Variants in FAM227B observed in about 807,000 individuals in gnomAD.
The protein encoded by FAM227B is family with sequence similarity 227 member B.
In FAM227B, 88 loss-of-function variants were observed where a neutral mutation model predicts 73.8. The ratio of observed to expected loss-of-function variants is 1.19; its 90% CI spans 1.00 to 1.42. FAM227B has a LOEUF of 1.42. FAM227B is among the 40% of genes most tolerant of loss of function. FAM227B has a pLI of 0.00. For synonymous variants in FAM227B, 210 were observed against 190.5 expected (o/e 1.10, Z -0.84); for missense variants, 632 against 590.9 (o/e 1.07, Z -0.72).
chr15:49,445,123 T>C (rs932443838), intron 11 of FAM227B, among the ~76,000 whole-genome samples: 1 of 151,632 alleles, frequency 6.6e-6, no homozygotes, highest in African/African-American at 2.4e-5. Flanking sequence ...TTGGTGTTTT[T>C]TCAACTTTTA....
intron 13 of FAM227B, among the ~76,000 whole-genome samples, chr15:49,350,539 G>A (rs1264858973): frequency 6.6e-6 from 1 of 152,132 alleles, no homozygotes; most frequent in Admixed American, 6.5e-5. Flanking sequence ...AATAGTGGGG[G>A]AAAGCAAATA....
intron 14 of FAM227B, among the ~76,000 whole-genome samples, chr15:49,334,803 G>C (rs2039421614): frequency 6.6e-6 from 1 of 152,134 alleles, no homozygotes; most frequent in Admixed American, 6.5e-5. Context: ...TAAAGGCAAT[G>C]ACATCTCAAG....
Position 49,541,446 on chromosome 15 carries a change from A to G in FAM227B, c.874+234T>C, listed in dbSNP as rs538707766. Among the ~76,000 whole-genome samples, 134 of 152,252 alleles carry G rather than the reference A, an allele frequency of 8.8e-4. 5 individuals are homozygous for G. The South Asian group carries it at 0.027, about 30-fold the overall frequency. On this transcript the variant is annotated intron_variant, in intron 10 of 15. Coordinates refer to ENST00000299338, the MANE Select transcript of FAM227B (RefSeq NM_152647.3). Reference sequence around the variant, plus strand: ...TTCTGTGACATTTCAGTTTTCCATAATAATTCCATTGATTATAAGATATTT... The same window carrying G: ...TTCTGTGACATTTCAGTTTTCCATAGTAATTCCATTGATTATAAGATATTT...
chr15:49,479,677 A>C (rs558251582), intron 11 of FAM227B, among the ~76,000 whole-genome samples: 2 of 139,908 alleles, frequency 1.4e-5, no homozygotes, highest in East Asian at 4.3e-4. Context: ...GCAATGGTGA[A>C]ATCTCGGCTC....
chr15:49,509,865 C>CT (rs1477084898), intron 10 of FAM227B, among the ~76,000 whole-genome samples: 1 of 152,066 alleles, frequency 6.6e-6, no homozygotes, highest in African/African-American at 2.4e-5. Context: ...CCTAAAATGT[C>CT]TTTGCAATTA....
intron 13 of FAM227B, among the ~76,000 whole-genome samples, chr15:49,341,274 T>A (rs58899332): frequency 0.012 from 1,872 of 152,296 alleles, 36 homozygotes; most frequent in African/African-American, 0.043. Flanking sequence ...AATAGTTTTT[T>A]TCTAATTCTG....
intron 9 of FAM227B, among the ~76,000 whole-genome samples, chr15:49,542,241 C>T (rs1354765985): frequency 6.6e-6 from 1 of 151,826 alleles, no homozygotes; most frequent in Admixed American, 6.6e-5. Context: ...AACATTAGTA[C>T]AATTTATTGA....
At chr15:49,416,358 A>G (rs2049211394) in intron 11 of FAM227B, among the ~76,000 whole-genome samples, 1 of 152,090 alleles carries the variant, frequency 6.6e-6, no homozygotes, top group Non-Finnish European at 1.5e-5. Context: ...CCAGGGTTCA[A>G]GCTGATTTAT....
intron 4 of FAM227B, 81 bp from the exon 5 acceptor site, chr15:49,588,164 A>G: frequency 1.2e-6 from 1 of 823,808 alleles, no homozygotes; most frequent in South Asian, 4.2e-5. Flanking sequence ...TAAATACTTT[A>G]AACAAATTAT....
At chr15:49,380,267 C>T (rs1475277819) in intron 11 of FAM227B, among the ~76,000 whole-genome samples, 1 of 152,160 alleles carries the variant, frequency 6.6e-6, no homozygotes, top group Non-Finnish European at 1.5e-5. Flanking sequence ...GGGCCTCACC[C>T]TTCAGGGCGG....
intron 9 of FAM227B, among the ~76,000 whole-genome samples, chr15:49,566,450 A>C (rs1160545232): frequency 6.6e-6 from 1 of 152,240 alleles, no homozygotes; most frequent in Non-Finnish European, 1.5e-5. Flanking sequence ...CTGAGAGAAT[A>C]TCATTGTGTG....
At chr15:49,570,881 A>C (rs1430118375) in intron 8 of FAM227B, among the ~76,000 whole-genome samples, 1 of 147,632 alleles carries the variant, frequency 6.8e-6, no homozygotes, top group African/African-American at 2.5e-5. Flanking sequence ...ATATGCATTT[A>C]TATAATTTAT....
intron 9 of FAM227B, among the ~76,000 whole-genome samples, chr15:49,546,691 G>C (rs2071946283): frequency 6.6e-6 from 1 of 152,154 alleles, no homozygotes. Context: ...GTTTTGATTT[G>C]CATTTCTCTG....
rs1046976107 is a variant in FAM227B at position 49,414,699 on chromosome 15, A to G, written c.1013-43300T>C. ...AATAGAATTAATGTGAACTATAACA[A>G]TAACTTGATCTAGGATGTGAAAGTG... On this transcript the variant is annotated intron_variant, in intron 11 of 15. Coordinates refer to ENST00000299338, the MANE Select transcript of FAM227B (RefSeq NM_152647.3). 1.6e-4 allele frequency among the ~76,000 whole-genome samples: 25 copies of G among 152,248 alleles called. No homozygotes were observed. The South Asian group carries it at 4.4e-3, about 27-fold the overall frequency.
intron 3 of FAM227B, among the ~76,000 whole-genome samples, chr15:49,602,322 T>C (rs1045179004): frequency 6.6e-6 from 1 of 152,140 alleles, no homozygotes; most frequent in African/African-American, 2.4e-5. Context: ...GCCTGTCTTT[T>C]GGATATAAGC....
At chr15:49,387,628 A>G (rs566713253) in intron 11 of FAM227B, among the ~76,000 whole-genome samples, 2 of 151,986 alleles carry the variant, frequency 1.3e-5, no homozygotes, top group African/African-American at 4.8e-5. Flanking sequence ...AGTGCTATCC[A>G]GACCAATCAG....
At chr15:49,426,903 G>C (rs2050178584) in intron 11 of FAM227B, among the ~76,000 whole-genome samples, 1 of 151,938 alleles carries the variant, frequency 6.6e-6, no homozygotes, top group Non-Finnish European at 1.5e-5. Flanking sequence ...ACTTTCATCA[G>C]AATCCTTTAA....
chr15:49,605,428 C>T (rs1364999406), intron 3 of FAM227B, among the ~76,000 whole-genome samples: 1 of 152,202 alleles, frequency 6.6e-6, no homozygotes, highest in African/African-American at 2.4e-5. Context: ...GCACAGCAGT[C>T]CACTGGGTGC....
At chr15:49,409,892 T>C (rs2048760494) in intron 11 of FAM227B, among the ~76,000 whole-genome samples, 1 of 152,202 alleles carries the variant, frequency 6.6e-6, no homozygotes, top group African/African-American at 2.4e-5. Context: ...AAGGCTTTAA[T>C]ATATAAAATA....
Sources: gnomAD v4.1 joint callset for allele counts (sites outside exome capture counted in the v4.1 genomes callset) on GRCh38, gnomAD v4.1.1 for gene constraint, MANE v1.5 for transcripts, NCBI Gene and HGNC (gene_info 2026-07-23, HGNC 2026-07-21) for gene names.